The following EML1 variants were observed in gnomAD, a reference collection of about 807,000 sequenced individuals.
EML1 encodes the protein echinoderm microtubule-associated protein-like 1.
A neutral mutation model predicts 110.4 loss-of-function variants in EML1; 27 were observed. The observed-to-expected ratio is 0.24, with a 90% CI of 0.18 to 0.34. The LOEUF (loss-of-function observed/expected upper bound fraction) is 0.34, where lower values mean the gene tolerates loss of function less well. Ranked by LOEUF, EML1 falls within the 10% of genes least tolerant of loss-of-function variation. The pLI is 1.00. For missense variants in EML1, 741 were observed against 1,030.9 expected (o/e 0.72, Z 3.85); for synonymous variants, 344 against 385.8 (o/e 0.89, Z 1.27).
At chr14:99,809,463 G>A (rs1046832981) in intron 1 of EML1, 10 of 338,788 alleles carry the variant, frequency 3.0e-5, no homozygotes, top group African/African-American at 2.2e-4. Flanking sequence ...TCTGGCTGAA[G>A]TAAGGGATGA....
At chr14:99,770,175 A>G (rs2057408382), upstream of EML1, among the ~76,000 whole-genome samples, 1 of 152,118 alleles carries the variant, frequency 6.6e-6, no homozygotes, top group African/African-American at 2.4e-5. Flanking sequence ...AAAGAATATC[A>G]TAGACTTGGT....
At chr14:99,744,821 CT>C (rs2057086048) in intron 1 of EML1, among the ~76,000 whole-genome samples, 3 of 152,142 alleles carry the variant, frequency 2.0e-5, no homozygotes, top group Non-Finnish European at 4.4e-5. Context: ...TATCTTTTGA[CT>C]TTTTATTTGC....
chr14:99,876,601 C>T (rs1224045353), intron 3 of EML1, among the ~76,000 whole-genome samples: 1 of 152,212 alleles, frequency 6.6e-6, no homozygotes, highest in African/African-American at 2.4e-5. Flanking sequence ...GCATCCGTGG[C>T]TCAGCACCCG....
At chr14:99,914,054 A>G (rs1420387095) in intron 13 of EML1, 125 bp from the exon 14 acceptor site, 1 of 1,122,182 alleles carries the variant, frequency 8.9e-7, no homozygotes, top group African/African-American at 1.6e-5. Context: ...TTGAACGTAC[A>G]TTATATACAT....
At chr14:99,872,891 G>A (rs1369115136) in intron 3 of EML1, among the ~76,000 whole-genome samples, 2 of 152,108 alleles carry the variant, frequency 1.3e-5, no homozygotes, top group Non-Finnish European at 2.9e-5. Flanking sequence ...GTATATGTTT[G>A]TTTTCTTTTC....
At chr14:99,831,020 A>T (rs975560278) in intron 1 of EML1, among the ~76,000 whole-genome samples, 8 of 152,310 alleles carry the variant, frequency 5.3e-5, no homozygotes, top group Admixed American at 5.2e-4. Context: ...GTCCTGTGTC[A>T]TCTAAGGGCC....
intron 1 of EML1, among the ~76,000 whole-genome samples, chr14:99,748,759 A>T (rs1263476190): frequency 2.0e-5 from 3 of 152,244 alleles, no homozygotes; most frequent in African/African-American, 4.8e-5. Flanking sequence ...ACCACAATCA[A>T]ATTTAGAACA....
At position 99,754,552 on chromosome 14, in the gene EML1, C is replaced by T. The variant is rs192209103; in HGVS notation, c.28+16692C>T. Among the ~76,000 whole-genome samples, 21 of 152,356 alleles carry T rather than the reference C, an allele frequency of 1.4e-4. 1 individual carries two copies. In the East Asian group the frequency reaches 3.9e-3, roughly 28 times the overall value. On this transcript the variant is annotated intron_variant, in intron 1 of 10. Transcript: ENST00000554479. ...GGTGGTCTTGAATTTTGGTTCTCTGCTTTCAACTTCTGTTTGACTCAACTG... is the reference window on the plus strand; with the variant it reads ...GGTGGTCTTGAATTTTGGTTCTCTGTTTTCAACTTCTGTTTGACTCAACTG...
chr14:99,937,648 G>A (rs1398057774), intron 19 of EML1, among the ~76,000 whole-genome samples, 169 bp from the exon 20 acceptor site: 1 of 152,150 alleles, frequency 6.6e-6, no homozygotes, highest in Non-Finnish European at 1.5e-5. Flanking sequence ...TCAGTTCCAG[G>A]GGAACTCACA....
chr14:99,891,120 C>T (rs376107120), intron 4 of EML1, 79 bp from the exon 5 acceptor site: 40 of 1,546,226 alleles, frequency 2.6e-5, no homozygotes, highest in Non-Finnish European at 3.3e-5. Flanking sequence ...CTACTGCAGC[C>T]GTGGCTTTGG....
chr14:99,921,541 C>A (rs2140086308), intron 17 of EML1, among the ~76,000 whole-genome samples: 1 of 152,224 alleles, frequency 6.6e-6, no homozygotes, highest in Middle Eastern at 3.4e-3. Flanking sequence ...CAAACATAGA[C>A]AAAATTAAAC....
Position 99,911,406 on chromosome 14 carries a change from T to G in EML1, c.1340-16T>G. On this transcript the variant is annotated splice_polypyrimidine_tract_variant and intron_variant, in intron 12 of 21. Transcript: ENST00000262233. Reference sequence around the variant, plus strand: ...TTTTGACAATGTGCTAATGATGGTTTTCTTGGTGTGTTTAGGTACAAATCG... The same window carrying G: ...TTTTGACAATGTGCTAATGATGGTTGTCTTGGTGTGTTTAGGTACAAATCG... 6.4e-7 allele frequency: 1 copy of G among 1,565,776 alleles called. No individual in the cohort carries two copies. The highest frequency in any genetic ancestry group is 8.6e-7 in the Non-Finnish European group (1 of 1,164,080).
chr14:99,850,830 A>T (rs756672557), intron 1 of EML1, 23 bp from the exon 2 acceptor site: 1 of 1,608,618 alleles, frequency 6.2e-7, no homozygotes, highest in South Asian at 1.1e-5. Context: ...CTTAAAGCTC[A>T]CTTGATCCTT....
At chr14:99,864,818 A>G (rs2059065849) in intron 2 of EML1, among the ~76,000 whole-genome samples, 1 of 151,806 alleles carries the variant, frequency 6.6e-6, no homozygotes, top group African/African-American at 2.4e-5. Flanking sequence ...AAAAAAAAAA[A>G]AAAAAAGAAA....
intron 1 of EML1, among the ~76,000 whole-genome samples, chr14:99,779,506 C>T (rs560644037): frequency 2.6e-5 from 4 of 152,282 alleles, no homozygotes; most frequent in African/African-American, 9.6e-5. Flanking sequence ...ATTCTTGGCT[C>T]TCCATTCAAG....
upstream of EML1, among the ~76,000 whole-genome samples, chr14:99,768,723 T>TC (rs201988802): frequency 1.4e-4 from 21 of 151,416 alleles, no homozygotes; most frequent in African/African-American, 3.9e-4. Flanking sequence ...TGGTCTTTTT[T>TC]TTTTTTTTTT....
At chr14:99,894,572 G>T (rs1289195760) in intron 5 of EML1, 57 bp from the exon 6 acceptor site, 2 of 1,557,964 alleles carry the variant, frequency 1.3e-6, no homozygotes, top group Non-Finnish European at 8.7e-7. Context: ...TAAAGCATTT[G>T]TTTTCAGGTA....
In EML1 at chr14:99,854,653, G is replaced by A. The variant is rs891189644; in HGVS notation, c.250+3618G>A. ...GATATTTTTTAAAATAGGAAGAACC[G>A]GCTACCATATCACACACCTTCACTG... On this transcript the variant is annotated intron_variant, in intron 2 of 21. Transcript: ENST00000262233. Among the ~76,000 whole-genome samples the A allele has an allele frequency of 2.7e-4, 41 of 152,180 alleles. 1 individual carries two copies. The highest frequency in any genetic ancestry group is 8.7e-4 in the African/African-American group (36 of 41,504).
chr14:99,792,274 A>C (rs60887511), upstream of EML1, among the ~76,000 whole-genome samples: 19,545 of 152,182 alleles, frequency 0.13, 1,486 homozygotes, highest in East Asian at 0.37. Flanking sequence ...TTCAACCTGC[A>C]CAAGTTAGTA....
Sources: gnomAD v4.1 joint callset for allele counts (sites outside exome capture counted in the v4.1 genomes callset) on GRCh38, gnomAD v4.1.1 for gene constraint, MANE v1.5 for transcripts, NCBI Gene and HGNC (gene_info 2026-07-23, HGNC 2026-07-21) for gene names.